Variants in BBS9 observed in about 807,000 individuals in gnomAD.
The protein encoded by BBS9 is Bardet-Biedl syndrome 9.
Under a neutral mutation model 117.7 loss-of-function variants are expected in BBS9, and 89 were observed. The observed-to-expected ratio is 0.76, with a 90% CI of 0.64 to 0.90. The LOEUF is 0.90. Ranked by LOEUF, BBS9 falls within the 40% of genes least tolerant of loss-of-function variation. The pLI is 0.00. For missense variants in BBS9, 982 were observed against 1,042.2 expected (o/e 0.94, Z 0.80); for synonymous variants, 379 against 370.9 (o/e 1.02, Z -0.25).
At chr7:33,608,912 T>G (rs970181647), downstream of BBS9, among the ~76,000 whole-genome samples, 1 of 152,170 alleles carries the variant, frequency 6.6e-6, no homozygotes, top group Non-Finnish European at 1.5e-5. Context: ...TTTTGAGGAC[T>G]TACTCATAAG....
At chr7:33,321,139 C>G (rs965045705) in intron 9 of BBS9, among the ~76,000 whole-genome samples, 1 of 152,076 alleles carries the variant, frequency 6.6e-6, no homozygotes, top group African/African-American at 2.4e-5. Context: ...GTCACCATAG[C>G]TCTGTAGTTT....
chr7:33,622,581 A>G (rs1865463001), intron 21 of BBS9, among the ~76,000 whole-genome samples: 1 of 152,236 alleles, frequency 6.6e-6, no homozygotes, highest in African/African-American at 2.4e-5. Context: ...TTTATTTGTC[A>G]TTTATACTTT....
chr7:33,219,711 G>A (rs61616831), intron 5 of BBS9, among the ~76,000 whole-genome samples: 17,156 of 152,028 alleles, frequency 0.11, 1,121 homozygotes, highest in African/African-American at 0.18. Flanking sequence ...GCACCAATCA[G>A]CGCCCTGTCA....
At chr7:33,329,964 C>A (rs940068538) in intron 9 of BBS9, among the ~76,000 whole-genome samples, 1 of 151,616 alleles carries the variant, frequency 6.6e-6, no homozygotes, top group Non-Finnish European at 1.5e-5. Flanking sequence ...GGTATAGTAT[C>A]ATTTTCATTG....
At chr7:33,308,788 T>C (rs1808558150) in intron 9 of BBS9, among the ~76,000 whole-genome samples, 2 of 152,194 alleles carry the variant, frequency 1.3e-5, no homozygotes, top group African/African-American at 4.8e-5. Context: ...TTATTGTTCC[T>C]CAATCCTGAC....
At chr7:33,553,762 A>C (rs1854833460) in intron 21 of BBS9, among the ~76,000 whole-genome samples, 2 of 152,280 alleles carry the variant, frequency 1.3e-5, no homozygotes, top group Admixed American at 1.3e-4. Context: ...TAAAAGTTTA[A>C]CAGATTTTTT....
chr7:33,289,605 T>G (rs1173327090), intron 9 of BBS9, among the ~76,000 whole-genome samples: 1 of 152,230 alleles, frequency 6.6e-6, no homozygotes, highest in Admixed American at 6.5e-5. Flanking sequence ...TATCTTTAAC[T>G]TGTATTTATT....
At position 33,481,274 on chromosome 7, in the gene BBS9, A is replaced by G. The variant is rs551351665; in HGVS notation, c.2116-24189A>G. Reference sequence around the variant, plus strand: ...GAGTGATCCAAGTTTGTTTTGATGAAGAGGCTAATATAGGAGAGTAGTATA... The same window carrying G: ...GAGTGATCCAAGTTTGTTTTGATGAGGAGGCTAATATAGGAGAGTAGTATA... On this transcript the variant is annotated intron_variant, in intron 19 of 22. Coordinates refer to ENST00000242067, the MANE Select transcript of BBS9 (RefSeq NM_198428.3). Among the ~76,000 whole-genome samples the G allele has an allele frequency of 7.9e-5, 12 of 152,294 alleles. No individual in the cohort carries two copies. The East Asian group carries it at 2.1e-3, about 27-fold the overall frequency.
intron 20 of BBS9, among the ~76,000 whole-genome samples, chr7:33,526,872 T>G (rs1422898142): frequency 6.6e-6 from 1 of 150,992 alleles, no homozygotes; most frequent in East Asian, 1.9e-4. Context: ...TCCCCATCTT[T>G]GTGGTTTTAT....
intron 21 of BBS9, among the ~76,000 whole-genome samples, chr7:33,580,637 T>C (rs1859718820): frequency 6.6e-6 from 1 of 152,142 alleles, no homozygotes; most frequent in Non-Finnish European, 1.5e-5. Context: ...GAGAATATTC[T>C]GGAAGGTTGT....
At chr7:33,593,844 T>G (rs982144527) in intron 21 of BBS9, among the ~76,000 whole-genome samples, 1 of 152,176 alleles carries the variant, frequency 6.6e-6, no homozygotes, top group African/African-American at 2.4e-5. Flanking sequence ...ATCTGTAGGA[T>G]TTATGGACTG....
At chr7:33,214,162 C>G (rs959832815) in intron 5 of BBS9, among the ~76,000 whole-genome samples, 2 of 152,112 alleles carry the variant, frequency 1.3e-5, no homozygotes, top group Admixed American at 6.5e-5. Flanking sequence ...AAGTTCCTAC[C>G]ATTGGGATGG....
At chr7:33,187,700 C>G (rs1027813247) in intron 5 of BBS9, among the ~76,000 whole-genome samples, 3 of 152,126 alleles carry the variant, frequency 2.0e-5, no homozygotes, top group Non-Finnish European at 4.4e-5. Context: ...TGGGCGGAGA[C>G]TTGAGGTCAG....
At chr7:33,443,108 T>TGTA (rs1441631250) in intron 19 of BBS9, among the ~76,000 whole-genome samples, 1 of 152,174 alleles carries the variant, frequency 6.6e-6, no homozygotes, top group Non-Finnish European at 1.5e-5. Context: ...ATGACTACTT[T>TGTA]GTAGTAGAAC....
intron 19 of BBS9, among the ~76,000 whole-genome samples, chr7:33,464,489 G>A (rs1451862762): frequency 1.3e-5 from 2 of 151,906 alleles, no homozygotes; most frequent in Non-Finnish European, 2.9e-5. Context: ...GAGGGAGTGA[G>A]GACTAGTTTG....
At chr7:33,551,242 C>T (rs1025260160) in intron 21 of BBS9, among the ~76,000 whole-genome samples, 68 of 152,244 alleles carry the variant, frequency 4.5e-4, no homozygotes, top group African/African-American at 1.6e-3. Context: ...AGTTGACTGC[C>T]GCTATAGTTA....
intron 21 of BBS9, among the ~76,000 whole-genome samples, chr7:33,588,217 A>G (rs1861278568): frequency 6.6e-6 from 1 of 152,096 alleles, no homozygotes; most frequent in South Asian, 2.1e-4. Context: ...AGTGAAATTC[A>G]TTTCCTAAAG....
chr7:33,598,865 GA>G (rs1259730505), intron 21 of BBS9, among the ~76,000 whole-genome samples: 1 of 152,168 alleles, frequency 6.6e-6, no homozygotes, highest in Non-Finnish European at 1.5e-5. Context: ...AGCTTTCCGT[GA>G]GCCTTAGATT....
chr7:33,487,757 T>C (rs1164932934), intron 19 of BBS9, among the ~76,000 whole-genome samples: 1 of 152,172 alleles, frequency 6.6e-6, no homozygotes, highest in Non-Finnish European at 1.5e-5. Flanking sequence ...GTGACTGCCC[T>C]TTCTGAACTG....
Sources: allele counts gnomAD v4.1 joint callset (sites outside exome capture counted in the v4.1 genomes callset), GRCh38; gene constraint gnomAD v4.1.1; transcripts MANE v1.5; gene names NCBI Gene and HGNC (gene_info 2026-07-23, HGNC 2026-07-21).